Variants in CAPN13 observed in about 807,000 individuals in gnomAD.
The protein encoded by CAPN13 is calpain 13, also known as calpain-13.
A neutral mutation model predicts 98.4 loss-of-function variants in CAPN13; 90 were observed. That is an observed-to-expected ratio of 0.92 (90% CI 0.77 to 1.09). CAPN13 has a LOEUF of 1.09. Among genes scored for constraint, CAPN13 ranks in the 50% least tolerant of loss-of-function variants. CAPN13 has a pLI of 0.00. For missense variants in CAPN13, 887 were observed against 841.3 expected, an observed-to-expected ratio of 1.05 and a Z score of -0.67; for synonymous variants, 330 against 305.5, an observed-to-expected ratio of 1.08 and a Z score of -0.84.
At chr2:30,801,115 G>A (rs1443512605) in intron 1 of CAPN13, among the ~76,000 whole-genome samples, 1 of 152,124 alleles carries the variant, frequency 6.6e-6, no homozygotes, top group East Asian at 1.9e-4. Flanking sequence ...TTTCAGACGA[G>A]TACTCCCCAG....
intron 1 of CAPN13, among the ~76,000 whole-genome samples, chr2:30,802,849 G>A (rs1009551843): frequency 1.3e-5 from 2 of 152,214 alleles, no homozygotes; most frequent in Non-Finnish European, 2.9e-5. Context: ...TCTGGCCTAT[G>A]TTCCAGAACA....
chr2:30,773,346 G>C (rs1032809015), intron 4 of CAPN13, among the ~76,000 whole-genome samples: 6 of 150,600 alleles, frequency 4.0e-5, no homozygotes, highest in African/African-American at 1.5e-4. Flanking sequence ...CACATATTCT[G>C]AGGAATTATT....
chr2:30,729,118 T>C (rs2593430), intron 22 of CAPN13, among the ~76,000 whole-genome samples: 74,186 of 151,906 alleles, frequency 0.49, 18,897 homozygotes, highest in East Asian at 0.65. Context: ...GAGGAAGAAG[T>C]GGGGAGATAG....
rs754158764 is a variant in CAPN13, at chr2:30,787,272, G to A, written c.54C>T (p.Asp18=). Residue 18 remains aspartate (D), a synonymous_variant, in exon 2 of 23, where the codon GAC becomes GAT. Transcript: ENST00000295055. Reference sequence around the variant, plus strand: ...GATCCCGCAAGGTGGTAAAGTCCTGGTCTTTGAACTTGATGATGGAGGTCT... The same window carrying A: ...GATCCCGCAAGGTGGTAAAGTCCTGATCTTTGAACTTGATGATGGAGGTCT... ...SVETSIIKFK[D]QDFTTLRDHC... The A allele has an allele frequency of 3.1e-6, 5 of 1,613,364 alleles. No homozygotes were observed. Among genetic ancestry groups the A allele is most frequent in the East Asian group, 2.2e-5 (1 of 44,892 alleles).
intron 5 of CAPN13, among the ~76,000 whole-genome samples, chr2:30,766,172 C>T (rs147203512): frequency 3.3e-5 from 5 of 152,340 alleles, no homozygotes; most frequent in East Asian, 1.9e-4. Context: ...ACGCTCAGGG[C>T]GCCTTTCCTG....
At chr2:30,743,266 G>T in intron 13 of CAPN13, 117 bp downstream of exon 13, 1 of 924,058 alleles carries the variant, frequency 1.1e-6, no homozygotes, top group Non-Finnish European at 1.7e-6. Context: ...CCAATATCAT[G>T]TCCCCAGTGA....
chr2:30,729,668 A>G (rs1670991453), intron 22 of CAPN13: 1 of 152,220 alleles, frequency 6.6e-6, no homozygotes, highest in African/African-American at 2.4e-5. Context: ...TTCATTTGCG[A>G]TCATTAGAAA....
At chr2:30,796,209 T>TAC (rs1251782463) in intron 1 of CAPN13, among the ~76,000 whole-genome samples, 2 of 110,778 alleles carry the variant, frequency 1.8e-5, no homozygotes, top group Non-Finnish European at 2.1e-5. Flanking sequence ...TGTATATATA[T>TAC]ATACACATAT....
chr2:30,806,728 T>C, intron 1 of CAPN13, among the ~76,000 whole-genome samples: 1 of 152,232 alleles, frequency 6.6e-6, no homozygotes, highest in East Asian at 1.9e-4. Flanking sequence ...TGTGTGACCA[T>C]GACACCACTA....
intron 11 of CAPN13, among the ~76,000 whole-genome samples, chr2:30,749,038 C>A (rs1021205558): frequency 4.6e-5 from 7 of 152,156 alleles, no homozygotes; most frequent in African/African-American, 1.7e-4. Context: ...ACCCCTGTCA[C>A]CTCCAAGGTG....
At chr2:30,806,904 A>G (rs1050473305) in intron 1 of CAPN13, among the ~76,000 whole-genome samples, 2 of 152,220 alleles carry the variant, frequency 1.3e-5, no homozygotes, top group African/African-American at 4.8e-5. Context: ...AGCACCTACT[A>G]TCTAACAGAA....
chr2:30,799,454 G>C (rs1309091184), intron 1 of CAPN13, among the ~76,000 whole-genome samples: 1 of 152,184 alleles, frequency 6.6e-6, no homozygotes, highest in African/African-American at 2.4e-5. Context: ...GTGGCCCCCA[G>C]AAAGGCAGAC....
intron 1 of CAPN13, among the ~76,000 whole-genome samples, chr2:30,798,718 C>T (rs7582115): frequency 0.032 from 4,866 of 152,216 alleles, 246 homozygotes; most frequent in African/African-American, 0.11. Context: ...CGACAGGGGA[C>T]GGTTTTCCCC....
chr2:30,763,732 G>A (rs1270526534), intron 6 of CAPN13, among the ~76,000 whole-genome samples: 4 of 152,222 alleles, frequency 2.6e-5, no homozygotes, highest in Non-Finnish European at 5.9e-5. Context: ...GAGGGCCCTG[G>A]GGGGCTCCGT....
rs79646923 is a variant in CAPN13, at chr2:30,748,839, G to A, written c.1236+2264C>T. ...CAAAACTACTGTGCTAAACCCCAGT[G>A]ATTTCTCTCCACCGAATTCCTGAAA... is the stretch of plus-strand genomic sequence containing the variant. On this transcript the variant is annotated intron_variant, in intron 11 of 22. Coordinates refer to ENST00000295055, the MANE Select transcript of CAPN13 (RefSeq NM_144575.3). Among the ~76,000 whole-genome samples the A allele has an allele frequency of 7.2e-5, 11 of 152,304 alleles. No individual in the cohort carries two copies. In the East Asian group the frequency reaches 2.1e-3, roughly 29 times the overall value.
At chr2:30,727,300 A>T (rs1022714459) in intron 22 of CAPN13, among the ~76,000 whole-genome samples, 1 of 152,202 alleles carries the variant, frequency 6.6e-6, no homozygotes, top group Non-Finnish European at 1.5e-5. Context: ...TGACAAAAGA[A>T]AACAATAGAT....
rs947818962 is a variant in CAPN13, at chr2:30,741,907, C to A, written c.1536+1G>T. 1 of 1,613,914 alleles carries A rather than the reference C, an allele frequency of 6.2e-7. No individual in the cohort carries two copies. Among genetic ancestry groups the A allele is most frequent in the Non-Finnish European group, 8.5e-7 (1 of 1,179,880 alleles). On this transcript the variant is annotated splice_donor_variant, in intron 15 of 22. Transcript: ENST00000295055. LOFTEE classifies it high-confidence loss of function. ...AGGCCCCTGGGTGCTAGGTACCATA[C>A]CTGCTGAGCATATCTGTTGAAAATG...
Position 30,775,946 on chromosome 2 carries a change from C to T in CAPN13, c.371G>A (p.Gly124Asp), listed in dbSNP as rs753810774. 8 of 1,608,792 alleles carry T rather than the reference C, an allele frequency of 5.0e-6. No individual in the cohort carries two copies. Among genetic ancestry groups the T allele is most frequent in the Admixed American group, 3.4e-5 (2 of 59,570 alleles). Residue 124 changes from glycine (G) to aspartate (D), a missense_variant, in exon 4 of 23, where the codon GGC (glycine) becomes GAC (aspartate). By Grantham distance (94) the Gly-to-Asp change is moderately conservative. Transcript: ENST00000295055. The part of the protein sequence containing the change: ...MVQSFSHQYA[G>D]IFRFRFWQCG... ...CACACGTACCCGGAAACGGAAAATG[C>T]CAGCATACTGGTGTGAAAAGCTTTG...
intron 5 of CAPN13, 110 bp downstream of exon 5, chr2:30,770,203 G>A: frequency 7.0e-7 from 1 of 1,428,662 alleles, no homozygotes; most frequent in South Asian, 1.4e-5. Context: ...TTATGGAGAT[G>A]CCCAGCCAGG....
Sources: allele counts gnomAD v4.1 joint callset (sites outside exome capture counted in the v4.1 genomes callset), GRCh38; gene constraint gnomAD v4.1.1; transcripts MANE v1.5; gene names NCBI Gene and HGNC (gene_info 2026-07-23, HGNC 2026-07-21).